The following CNTRL variants were observed in gnomAD, a reference collection of about 807,000 sequenced individuals.
CNTRL encodes the protein centriolin.
In CNTRL, 233 loss-of-function variants were observed where a neutral mutation model predicts 303.7. That is an observed-to-expected ratio of 0.77 (90% CI 0.69 to 0.86). The LOEUF (loss-of-function observed/expected upper bound fraction) is 0.86, where lower values mean the gene tolerates loss of function less well. CNTRL is among the 40% of genes least tolerant of loss of function. CNTRL has a pLI of 0.00. For missense variants in CNTRL, 2,524 were observed against 2,650.6 expected (o/e 0.95, Z 1.05); for synonymous variants, 900 against 922.2 (o/e 0.98, Z 0.44).
chr9:121,167,783 G>T, intron 37 of CNTRL, 106 bp downstream of exon 37: 1 of 1,004,038 alleles, frequency 1.0e-6, no homozygotes, highest in Non-Finnish European at 1.5e-6. Flanking sequence ...ATGGGACTAT[G>T]TGTCCCTTAA....
At position 121,146,232 on chromosome 9, in the gene CNTRL, T is replaced by C. The variant is rs774455804; in HGVS notation, c.3435T>C (p.Phe1145=). 11 of 1,612,556 alleles carry C rather than the reference T, an allele frequency of 6.8e-6. No individual in the cohort carries two copies. The East Asian group carries it at 2.2e-4, about 33-fold the overall frequency. ...DPFKRRGYWY[F]MPPPPSSKVS... Reference sequence around the variant, plus strand: ...TCAAAAGACGAGGCTATTGGTACTTTATGCCACCACCACCATCATCAAAAG... The same window carrying C: ...TCAAAAGACGAGGCTATTGGTACTTCATGCCACCACCACCATCATCAAAAG... The change falls in exon 23 of 44, where the codon TTT becomes TTC. Residue 1145 remains phenylalanine (F), a synonymous_variant. Coordinates refer to ENST00000373855, the MANE Select transcript of CNTRL (RefSeq NM_007018.6).
chr9:121,088,909 G>A (rs1588059464), intron 3 of CNTRL, among the ~76,000 whole-genome samples: 1 of 152,248 alleles, frequency 6.6e-6, no homozygotes, highest in East Asian at 1.9e-4. Flanking sequence ...CTTGGCCTAT[G>A]CCAGTCTTCT....
chr9:121,141,366 C>T lies in CNTRL; in HGVS notation c.2484-15C>T, dbSNP rs1370062952. 1.9e-6 allele frequency: 3 copies of T among 1,586,574 alleles called. No individual in the cohort carries two copies. The South Asian group carries it at 3.3e-5, about 18-fold the overall frequency. ...TAAATGTCACATTTATACCATTTTT[C>T]CCCCTCCTTACTAGCATCCATAGTC... On this transcript the variant is annotated splice_polypyrimidine_tract_variant and intron_variant, in intron 17 of 43. Transcript: ENST00000373855.
In CNTRL at chr9:121,112,487, G is replaced by T. The variant is rs150355753; in HGVS notation, c.1031G>T (p.Arg344Leu). The T allele has an allele frequency of 6.2e-7, 1 of 1,612,720 alleles. No homozygotes were observed. The highest frequency in any genetic ancestry group is 8.5e-7 in the Non-Finnish European group (1 of 1,179,050). ...AAACAGAAGACCATAGAATTAACAC[G>T]AGCATGTCAGAAGCAATATGAGCTG... is the stretch of plus-strand genomic sequence containing the variant. The part of the protein sequence containing the change: ...LLKQKTIELT[R>L]ACQKQYELEQ... The change falls in exon 9 of 44, where the codon CGA (arginine) becomes CTA (leucine). Residue 344 changes from arginine (R) to leucine (L), a missense_variant. Transcript: ENST00000373855.
In CNTRL at chr9:121,118,477, G is replaced by C; in HGVS notation, c.1587G>C (p.Lys529Asn). The change falls in exon 12 of 44, where the codon AAG becomes AAC. Residue 529 changes from lysine to asparagine, a missense_variant. Physicochemically the swap from Lys to Asn is moderately conservative, Grantham distance 94. Coordinates refer to ENST00000373855, the MANE Select transcript of CNTRL (RefSeq NM_007018.6). Reference sequence around the variant, plus strand: ...AGCAAAAGCAGGAAATTGCCGGAAAGCAGAAGGAGATTAAGGACCTGCAAA... The same window carrying C: ...AGCAAAAGCAGGAAATTGCCGGAAACCAGAAGGAGATTAAGGACCTGCAAA... ...MEKQKQEIAG[K>N]QKEIKDLQIA... 1 of 1,611,770 alleles carries C rather than the reference G, an allele frequency of 6.2e-7. No individual in the cohort carries two copies. Among genetic ancestry groups the C allele is most frequent in the Non-Finnish European group, 8.5e-7 (1 of 1,178,448 alleles).
At chr9:121,157,364 T>C in intron 27 of CNTRL, 106 bp from the exon 28 acceptor site, 1 of 1,173,798 alleles carries the variant, frequency 8.5e-7, no homozygotes, top group Non-Finnish European at 1.2e-6. Context: ...TTTTTATGTC[T>C]TTCTGTACCA....
chr9:121,141,756 T>C, intron 18 of CNTRL, 168 bp downstream of exon 18: 1 of 703,228 alleles, frequency 1.4e-6, no homozygotes, highest in Non-Finnish European at 2.3e-6. Context: ...AATGTGGTTA[T>C]AATGTCAAAG....
Position 121,168,214 on chromosome 9 carries a change from A to T in CNTRL, c.5963A>T (p.Lys1988Ile). ...AAGGAATTAACAGACCAGAAAAGCA[A>T]ACTGGACCAAGTGCTCTCAAAGGTG... ...LEKELTDQKS[K>I]LDQVLSKVLA... The change falls in exon 38 of 44, where the codon AAA becomes ATA. Residue 1988 changes from lysine (K) to isoleucine (I), a missense_variant. Physicochemically the swap from Lys to Ile is moderately radical, Grantham distance 102. Transcript: ENST00000373855. The T allele has an allele frequency of 3.1e-6, 5 of 1,614,196 alleles. No individual in the cohort carries two copies. Among genetic ancestry groups the T allele is most frequent in the Non-Finnish European group, 4.2e-6 (5 of 1,180,028 alleles).
At chr9:121,176,536 G>C (rs1391314464) in intron 43 of CNTRL, among the ~76,000 whole-genome samples, 1 of 152,192 alleles carries the variant, frequency 6.6e-6, no homozygotes, top group Non-Finnish European at 1.5e-5. Flanking sequence ...GGAAGCTTTG[G>C]GGATGAGACA....
At chr9:121,095,067 A>G (rs777459620) in intron 5 of CNTRL, 49 bp downstream of exon 5, 1 of 1,433,282 alleles carries the variant, frequency 7.0e-7, no homozygotes, top group Admixed American at 2.1e-5. Flanking sequence ...TAGCTTTGTT[A>G]GAGAGGTAGA....
chr9:121,093,812 A>C (rs1463565844), intron 4 of CNTRL, among the ~76,000 whole-genome samples: 1 of 152,208 alleles, frequency 6.6e-6, no homozygotes, highest in African/African-American at 2.4e-5. Flanking sequence ...CTTGAGGGGA[A>C]GATCCAGGAG....
At position 121,107,160 on chromosome 9, in the gene CNTRL, AT is replaced by A. The variant is rs200788485; in HGVS notation, c.809-633del. On this transcript the variant is annotated intron_variant, in intron 7 of 43. Coordinates refer to ENST00000373855, the MANE Select transcript of CNTRL (RefSeq NM_007018.6). ...ATAGGGCCTGGGCAGGCTTCTCAAA[AT>A]TTTTTTTTAAAACTTAAGACCTGTA... Among the ~76,000 whole-genome samples, 22 of 151,964 alleles carry A rather than the reference AT, an allele frequency of 1.4e-4. No homozygotes were observed. In the East Asian group the frequency reaches 3.9e-3, roughly 27 times the overall value.
rs759975837 is a variant in CNTRL at position 121,158,869 on chromosome 9, G to T, written c.4779G>T (p.Gln1593His). 1.2e-6 allele frequency: 2 copies of T among 1,614,022 alleles called. No individual in the cohort carries two copies. Among genetic ancestry groups the T allele is most frequent in the Non-Finnish European group, 1.7e-6 (2 of 1,179,968 alleles). The change falls in exon 31 of 44, where the codon CAG (glutamine) becomes CAT (histidine). Residue 1593 changes from glutamine (Q) to histidine (H), a missense_variant. Gln to His is a conservative substitution (Grantham distance 24, BLOSUM62 0). Transcript: ENST00000373855. ...EKLKSQVTSQ[Q>H]QEMAVLDRQL... ...CTTTAATACAGGTGACAAGTCAGCAGCAGGAGATGGCTGTCTTGGACAGGC... is the reference window on the plus strand; with the variant it reads ...CTTTAATACAGGTGACAAGTCAGCATCAGGAGATGGCTGTCTTGGACAGGC...
intron 2 of CNTRL, among the ~76,000 whole-genome samples, chr9:121,086,534 C>A (rs565868218): frequency 1.3e-5 from 2 of 151,304 alleles, no homozygotes; most frequent in East Asian, 1.9e-4. Flanking sequence ...ATTGAGGGAA[C>A]GAATGACAGA....
intron 12 of CNTRL, among the ~76,000 whole-genome samples, chr9:121,123,400 T>C (rs2050340273): frequency 6.6e-6 from 1 of 151,994 alleles, no homozygotes; most frequent in African/African-American, 2.4e-5. Context: ...GCCAACATGG[T>C]GAAACTCCCG....
In CNTRL at chr9:121,167,384, T is replaced by A. The variant is rs2053137778; in HGVS notation, c.5656-105T>A. ...ATTGAGATAATAAAGGAAATAAACT[T>A]TTATGCCTCTCGTTCTGTCAGACTT... On this transcript the variant is annotated intron_variant, in intron 36 of 43. Coordinates refer to ENST00000373855, the MANE Select transcript of CNTRL (RefSeq NM_007018.6). 4 of 854,080 alleles carry A rather than the reference T, an allele frequency of 4.7e-6. No individual in the cohort carries two copies. The East Asian group carries it at 1.1e-4, about 23-fold the overall frequency. 52.9% of individuals were successfully genotyped at this position (854,080 alleles called of 1,614,324 possible).
At position 121,106,337 on chromosome 9, in the gene CNTRL, C is replaced by CA. The variant is rs11334928; in HGVS notation, c.809-1447dup. ...CTGGGCGACAGAGCGAGACTCCGTC[C>CA]AAAAAAAAAAAAAAAAAACCTAAAA... On this transcript the variant is annotated intron_variant, in intron 7 of 43. Transcript: ENST00000373855. Among the ~76,000 whole-genome samples, 417 of 96,440 alleles carry CA rather than the reference C, an allele frequency of 4.3e-3. 1 individual carries two copies. Among genetic ancestry groups the CA allele is most frequent in the Non-Finnish European group, 5.8e-3 (275 of 47,152 alleles). 63.3% of individuals were successfully genotyped at this position (96,440 alleles called of 152,430 possible).
chr9:121,139,835 A>G (rs2133954432), intron 16 of CNTRL, among the ~76,000 whole-genome samples: 1 of 152,330 alleles, frequency 6.6e-6, no homozygotes, highest in South Asian at 2.1e-4. Flanking sequence ...CAAATACTTA[A>G]GTGTACATCT....
Position 121,161,304 on chromosome 9 carries a change from T to C in CNTRL, c.5090-552T>C, listed in dbSNP as rs752499821. On this transcript the variant is annotated intron_variant, in intron 32 of 43. Coordinates refer to ENST00000373855, the MANE Select transcript of CNTRL (RefSeq NM_007018.6). ...CCAGCTTTTCTACAGTAAGCAAGTATCTCTATGATCAGAAAAAAAGTTAAT... is the reference window on the plus strand; with the variant it reads ...CCAGCTTTTCTACAGTAAGCAAGTACCTCTATGATCAGAAAAAAAGTTAAT... The C allele has an allele frequency of 3.7e-5, 16 of 433,296 alleles. 1 individual carries two copies. The South Asian group carries it at 6.6e-4, about 18-fold the overall frequency. The allele number at this position is 433,296 out of a possible 1,614,324, so 26.8% of individuals were successfully genotyped here. A position where few individuals can be genotyped will look rare whatever the true frequency, so the allele number is the denominator to read the frequency against.
Sources: gnomAD v4.1 joint callset for allele counts (sites outside exome capture counted in the v4.1 genomes callset) on GRCh38, gnomAD v4.1.1 for gene constraint, MANE v1.5 for transcripts, NCBI Gene and HGNC (gene_info 2026-07-23, HGNC 2026-07-21) for gene names.